Variants in PCDH15 observed in about 807,000 individuals in gnomAD.
PCDH15 encodes the protein protocadherin related 15.
Under a neutral mutation model 178.5 loss-of-function variants are expected in PCDH15, and 129 were observed. The ratio of observed to expected loss-of-function variants is 0.72; its 90% CI spans 0.63 to 0.84. PCDH15 has a LOEUF of 0.84. Among genes scored for constraint, PCDH15 ranks in the 40% least tolerant of loss-of-function variants. The pLI, the probability that PCDH15 is intolerant of heterozygous loss-of-function variation, is 0.00. For missense variants in PCDH15, 2,230 were observed against 2,099.9 expected (o/e 1.06, Z -1.21); for synonymous variants, 800 against 732.0 (o/e 1.09, Z -1.50).
chr10:55,413,049 G>T (rs1838382957), intron 2 of PCDH15, among the ~76,000 whole-genome samples: 1 of 151,594 alleles, frequency 6.6e-6, no homozygotes, highest in African/African-American at 2.4e-5. Flanking sequence ...CATCATTAAT[G>T]AATAAACTAA....
chr10:54,185,410 T>C (rs2048399843), intron 11 of PCDH15, 142 bp from the exon 12 acceptor site: 2 of 948,522 alleles, frequency 2.1e-6, no homozygotes, highest in Admixed American at 4.4e-5. Flanking sequence ...GATATTTAAC[T>C]AGATATTTAC....
intron 18 of PCDH15, among the ~76,000 whole-genome samples, chr10:54,027,252 C>T (rs2093131504): frequency 6.7e-6 from 1 of 148,822 alleles, no homozygotes; most frequent in African/African-American, 2.6e-5. Flanking sequence ...AGGACCTCTT[C>T]AAGGAGAACT....
intron 15 of PCDH15, among the ~76,000 whole-genome samples, chr10:54,109,381 G>A (rs1354302120): frequency 6.6e-6 from 1 of 152,022 alleles, no homozygotes; most frequent in East Asian, 1.9e-4. Context: ...ATACACTGAA[G>A]AATAAAACTA....
At chr10:54,397,551 C>T (rs1316150099) in intron 3 of PCDH15, among the ~76,000 whole-genome samples, 1 of 151,944 alleles carries the variant, frequency 6.6e-6, no homozygotes, top group Non-Finnish European at 1.5e-5. Flanking sequence ...CTTAATTAGT[C>T]AAGTTCTATT....
At chr10:54,033,836 T>C (rs2135446249) in intron 18 of PCDH15, among the ~76,000 whole-genome samples, 1 of 152,130 alleles carries the variant, frequency 6.6e-6, no homozygotes. Context: ...TTTTTATAGG[T>C]CCTATATACT....
chr10:54,408,795 G>A (rs941053635), intron 3 of PCDH15, among the ~76,000 whole-genome samples: 1 of 152,140 alleles, frequency 6.6e-6, no homozygotes, highest in African/African-American at 2.4e-5. Context: ...GTTACAAATC[G>A]GGGTGGAAGT....
intron 2 of PCDH15, chr10:54,528,454 G>GA: frequency 1.4e-6 from 2 of 1,420,668 alleles, no homozygotes; most frequent in South Asian, 2.5e-5. Context: ...AAAAATGGAA[G>GA]AAAGAAAGGA....
intron 2 of PCDH15, among the ~76,000 whole-genome samples, chr10:54,901,180 G>A (rs762327903): frequency 1.6e-4 from 24 of 152,024 alleles, no homozygotes; most frequent in African/African-American, 3.9e-4. Flanking sequence ...GTGTGGTGGC[G>A]TCTGTATGCC....
intron 26 of PCDH15, among the ~76,000 whole-genome samples, chr10:53,869,317 C>T (rs2079666036): frequency 6.6e-6 from 1 of 151,946 alleles, no homozygotes; most frequent in Non-Finnish European, 1.5e-5. Flanking sequence ...AACTTTGAAC[C>T]ACAGGTTTAT....
intron 1 of PCDH15, among the ~76,000 whole-genome samples, chr10:55,207,499 G>A (rs1840434038): frequency 6.6e-6 from 1 of 152,064 alleles, no homozygotes; most frequent in South Asian, 2.1e-4. Flanking sequence ...GGCCCAAGTA[G>A]TCTTAATGCC....
intron 18 of PCDH15, among the ~76,000 whole-genome samples, chr10:54,059,877 G>A (rs570421311): frequency 5.3e-5 from 8 of 152,276 alleles, no homozygotes; most frequent in African/African-American, 9.6e-5. Flanking sequence ...AGAATAGTTC[G>A]TGGCACATTG....
intron 10 of PCDH15, among the ~76,000 whole-genome samples, chr10:54,205,630 C>G (rs954483857): frequency 6.6e-6 from 1 of 151,808 alleles, no homozygotes; most frequent in Admixed American, 6.6e-5. Context: ...ATGGCAAACA[C>G]CACAATTATG....
intron 18 of PCDH15, among the ~76,000 whole-genome samples, chr10:54,032,815 A>C (rs2093329724): frequency 6.6e-6 from 1 of 152,062 alleles, no homozygotes; most frequent in African/African-American, 2.4e-5. Flanking sequence ...TAATTGACTC[A>C]GTTTCACATG....
intron 28 of PCDH15, among the ~76,000 whole-genome samples, chr10:53,849,163 T>A (rs188457217): frequency 3.9e-5 from 6 of 152,138 alleles, no homozygotes. Context: ...AGAATATTGA[T>A]TCTGACAAAA....
chr10:54,945,324 GGATA>G (rs71883309), intron 2 of PCDH15, among the ~76,000 whole-genome samples: 44,120 of 139,892 alleles, frequency 0.32, 7,167 homozygotes, highest in Middle Eastern at 0.4. Context: ...ATGGATGTAT[GGATA>G]GATAGATAGA....
At chr10:53,900,939 G>C (rs752266018) in intron 26 of PCDH15, among the ~76,000 whole-genome samples, 51 of 152,178 alleles carry the variant, frequency 3.4e-4, no homozygotes, top group Middle Eastern at 6.8e-3. Flanking sequence ...TCACACTATA[G>C]GATTAGTAAC....
chr10:55,073,621 C>G (rs7068805), intron 2 of PCDH15, among the ~76,000 whole-genome samples: 3 of 151,986 alleles, frequency 2.0e-5, no homozygotes, highest in Admixed American at 2.0e-4. Context: ...TCTCGTTGTG[C>G]CTTTGTCTGG....
chr10:55,176,507 G>C (rs1839491596), intron 1 of PCDH15, among the ~76,000 whole-genome samples: 1 of 152,008 alleles, frequency 6.6e-6, no homozygotes, highest in African/African-American at 2.4e-5. Context: ...TTCCTAACCA[G>C]AGACAAGATC....
intron 9 of PCDH15, among the ~76,000 whole-genome samples, chr10:54,235,929 A>G (rs1048274257): frequency 6.6e-6 from 1 of 152,238 alleles, no homozygotes; most frequent in African/African-American, 2.4e-5. Context: ...AAGGCTTGAA[A>G]CAGAATTGCT....
Sources: allele counts gnomAD v4.1 joint callset (sites outside exome capture counted in the v4.1 genomes callset), GRCh38; gene constraint gnomAD v4.1.1; transcripts MANE v1.5; gene names NCBI Gene and HGNC (gene_info 2026-07-23, HGNC 2026-07-21).